The following TSPAN7 variants were observed in gnomAD, a reference collection of about 807,000 sequenced individuals.
TSPAN7 encodes the protein tetraspanin-7.
A neutral mutation model predicts 17.6 loss-of-function variants in TSPAN7; 1 was observed. That is an observed-to-expected ratio of 0.06 (90% CI 0.02 to 0.27). TSPAN7 has a LOEUF of 0.27. Ranked by LOEUF, TSPAN7 falls within the 10% of genes least tolerant of loss-of-function variation. TSPAN7 has a pLI of 1.00. For missense variants in TSPAN7, 112 were observed against 201.7 expected (o/e 0.56, Z 2.69); for synonymous variants, 78 against 79.0 (o/e 0.99, Z 0.07).
chrX:38,656,771 C>T (rs180696147), intron 1 of TSPAN7, among the ~76,000 whole-genome samples: 4 of 112,060 alleles, frequency 3.6e-5, no homozygotes, highest in South Asian at 7.5e-4. Flanking sequence ...GGTTTGCTTG[C>T]TTCTTCCTTT....
chrX:38,672,619 C>T (rs1010393746), intron 3 of TSPAN7, among the ~76,000 whole-genome samples: 12 of 111,534 alleles, frequency 1.1e-4, no homozygotes, highest in African/African-American at 3.9e-4. Flanking sequence ...TGTATGAACA[C>T]CAGGAGCAGC....
intron 6 of TSPAN7, among the ~76,000 whole-genome samples, chrX:38,686,744 T>C (rs1338880716): frequency 8.9e-6 from 1 of 112,192 alleles, no homozygotes. Flanking sequence ...AATTTTCTTT[T>C]CTAATGAACA....
intron 1 of TSPAN7, among the ~76,000 whole-genome samples, chrX:38,582,161 C>A (rs913663300): frequency 8.9e-6 from 1 of 112,304 alleles, no homozygotes; most frequent in Non-Finnish European, 1.9e-5. Flanking sequence ...AGCTATATTA[C>A]CTCTGGTGAG....
intron 1 of TSPAN7, among the ~76,000 whole-genome samples, chrX:38,595,287 A>T (rs1386083883): frequency 9.0e-6 from 1 of 111,634 alleles, no homozygotes; most frequent in Non-Finnish European, 1.9e-5. Flanking sequence ...AGGAATATAG[A>T]TGAGGACATT....
chrX:38,604,802 C>G (rs1383228735), intron 1 of TSPAN7, among the ~76,000 whole-genome samples: 23 of 110,718 alleles, frequency 2.1e-4, no homozygotes, highest in Admixed American at 1.4e-3. Flanking sequence ...GAACCAAAGA[C>G]AAAAACCACA....
At chrX:38,680,539 TTCTCTCTCTCTCTCTCTCTC>T (rs61619425) in intron 5 of TSPAN7, among the ~76,000 whole-genome samples, 95 of 75,609 alleles carry the variant, frequency 1.3e-3, no homozygotes, top group African/African-American at 4.0e-3. Flanking sequence ...TACTTACAAA[TTCTCTCTCTCTCTCTCTCTC>T]TCTCTCTCTC....
At chrX:38,596,283 A>G (rs2069318233) in intron 1 of TSPAN7, among the ~76,000 whole-genome samples, 1 of 111,288 alleles carries the variant, frequency 9.0e-6, no homozygotes, top group Admixed American at 9.5e-5. Context: ...AATGCTGCTA[A>G]TGGTCAGTTG....
At chrX:38,578,161 A>G (rs928368727) in intron 1 of TSPAN7, among the ~76,000 whole-genome samples, 1 of 111,668 alleles carries the variant, frequency 9.0e-6, no homozygotes, top group African/African-American at 3.3e-5. Flanking sequence ...GTGGAGATAC[A>G]AAGTTGTGAA....
chrX:38,660,254 A>G (rs1223906265), intron 1 of TSPAN7, among the ~76,000 whole-genome samples: 1 of 112,190 alleles, frequency 8.9e-6, no homozygotes, highest in Non-Finnish European at 1.9e-5. Context: ...AACACTAAGT[A>G]TACATACAAT....
intron 1 of TSPAN7, among the ~76,000 whole-genome samples, chrX:38,646,777 G>A (rs774536091): frequency 4.1e-4 from 46 of 112,340 alleles, no homozygotes; most frequent in Middle Eastern, 4.6e-3. Context: ...CTTTAAGAAC[G>A]AGAATGTGCA....
chrX:38,579,385 G>A (rs1334664719), intron 1 of TSPAN7, among the ~76,000 whole-genome samples: 2 of 108,597 alleles, frequency 1.8e-5, no homozygotes, highest in African/African-American at 6.7e-5. Context: ...TTTGAGACCA[G>A]CCTGGCCAAC....
At chrX:38,630,817 G>T (rs2069546115) in intron 1 of TSPAN7, among the ~76,000 whole-genome samples, 1 of 111,426 alleles carries the variant, frequency 9.0e-6, no homozygotes, top group Non-Finnish European at 1.9e-5. Context: ...ACCACAATTG[G>T]TCAGAAATAC....
At chrX:38,639,086 A>G (rs982768215) in intron 1 of TSPAN7, among the ~76,000 whole-genome samples, 2 of 111,622 alleles carry the variant, frequency 1.8e-5, no homozygotes, top group African/African-American at 6.5e-5. Flanking sequence ...AGCCACATCT[A>G]GAAAGTCTCC....
intron 1 of TSPAN7, among the ~76,000 whole-genome samples, chrX:38,579,215 C>A (rs778563135): frequency 9.0e-6 from 1 of 111,241 alleles, no homozygotes; most frequent in Non-Finnish European, 1.9e-5. Context: ...AGGTAGAGTG[C>A]CTTTATTTTT....
chrX:38,602,702 G>A (rs925349668), intron 1 of TSPAN7, among the ~76,000 whole-genome samples: 5 of 111,575 alleles, frequency 4.5e-5, no homozygotes, highest in South Asian at 3.7e-4. Flanking sequence ...AGAGGTGGGC[G>A]GGAGGAGTTG....
chrX:38,581,677 A>G, intron 1 of TSPAN7, among the ~76,000 whole-genome samples: 1 of 112,190 alleles, frequency 8.9e-6, no homozygotes, highest in Middle Eastern at 4.6e-3. Flanking sequence ...GAAGACTTTC[A>G]TGGGGATAGA....
chrX:38,628,253 A>G (rs1335517226), intron 1 of TSPAN7, among the ~76,000 whole-genome samples: 1 of 112,732 alleles, frequency 8.9e-6, no homozygotes, highest in Non-Finnish European at 1.9e-5. Flanking sequence ...AAGGTATGCA[A>G]ATGACTCCGG....
Position 38,609,143 on chromosome X carries a change from T to G in TSPAN7, c.81+47516T>G, listed in dbSNP as rs893632198. Among the ~76,000 whole-genome samples, 3 of 112,399 alleles carry G rather than the reference T, an allele frequency of 2.7e-5. No individual in the cohort carries two copies. In the South Asian group the frequency reaches 1.1e-3, roughly 41 times the overall value. On this transcript the variant is annotated intron_variant, in intron 1 of 7. Transcript: ENST00000378482. The stretch of plus-strand genomic sequence containing the variant: ...CACTCTCTCAGCAGTGTCTGATGAG[T>G]AATCTGCATGTTTCAAAATGAGCTT...
chrX:38,652,944 G>A (rs1340535473), intron 1 of TSPAN7, among the ~76,000 whole-genome samples: 1 of 112,386 alleles, frequency 8.9e-6, no homozygotes, highest in Non-Finnish European at 1.9e-5. Context: ...AGACGAGAGG[G>A]TCAGTGACTG....
Sources: allele counts gnomAD v4.1 joint callset (sites outside exome capture counted in the v4.1 genomes callset), GRCh38; gene constraint gnomAD v4.1.1; transcripts MANE v1.5; gene names NCBI Gene and HGNC (gene_info 2026-07-23, HGNC 2026-07-21).